TMEM156: variants seen among roughly 807,000 people sequenced by gnomAD.
The protein encoded by TMEM156 is transmembrane protein 156.
TMEM156 carries 28 observed loss-of-function variants against 30.5 expected under a neutral mutation model. That is an observed-to-expected ratio of 0.92 (90% confidence interval 0.68 to 1.26). The LOEUF is 1.26. Ranked by LOEUF, TMEM156 falls within the 50% of genes most tolerant of loss-of-function variation. The probability of loss-of-function intolerance (pLI) is 0.00; values close to 1 mark genes in which losing one functional copy is unlikely to be tolerated. For missense variants in TMEM156, 351 were observed against 340.6 expected (o/e 1.03, Z -0.24); for synonymous variants, 137 against 119.9 (o/e 1.14, Z -0.93).
chr4:38,981,679 G>A (rs929289908), intron 5 of TMEM156, among the ~76,000 whole-genome samples: 5 of 152,068 alleles, frequency 3.3e-5, no homozygotes, highest in Admixed American at 6.6e-5. Flanking sequence ...CTTATCTTCA[G>A]TTTTCTCATC....
intron 1 of TMEM156, among the ~76,000 whole-genome samples, chr4:39,021,285 T>C (rs917922263): frequency 3.3e-5 from 5 of 151,310 alleles, no homozygotes; most frequent in African/African-American, 1.2e-4. Context: ...ACACTTGCAG[T>C]CTTAGCTATT....
chr4:39,028,089 T>C (rs1715319184), intron 1 of TMEM156, among the ~76,000 whole-genome samples: 1 of 152,130 alleles, frequency 6.6e-6, no homozygotes, highest in African/African-American at 2.4e-5. Flanking sequence ...GGTTTCACCA[T>C]GTTGGTCAGG....
chr4:39,004,117 C>T (rs1713569736), intron 1 of TMEM156, among the ~76,000 whole-genome samples: 1 of 152,102 alleles, frequency 6.6e-6, no homozygotes, highest in Non-Finnish European at 1.5e-5. Flanking sequence ...TTCTCATCTC[C>T]ATAAGCAAGG....
At chr4:39,012,678 C>A (rs1391818854) in intron 1 of TMEM156, among the ~76,000 whole-genome samples, 1 of 151,804 alleles carries the variant, frequency 6.6e-6, no homozygotes, top group Non-Finnish European at 1.5e-5. Context: ...TGGTGGCTCA[C>A]GCCTGCAATC....
chr4:38,993,510 C>T (rs1005743420), intron 3 of TMEM156, among the ~76,000 whole-genome samples: 2 of 152,140 alleles, frequency 1.3e-5, no homozygotes, highest in Admixed American at 6.6e-5. Context: ...CTCCTCAAAT[C>T]GTGACCCATA....
chr4:38,975,379 CTTTTCTTT>C (rs1202996560), intron 5 of TMEM156, among the ~76,000 whole-genome samples: 3 of 123,798 alleles, frequency 2.4e-5, no homozygotes, highest in Admixed American at 9.1e-5. Context: ...TTTCTTTTTT[CTTTTCTTT>C]TTTTTTTTTT....
chr4:38,973,235 T>A (rs940213968), intron 5 of TMEM156, among the ~76,000 whole-genome samples: 5 of 152,172 alleles, frequency 3.3e-5, no homozygotes. Context: ...TTACTCACAG[T>A]TTACTTTTCA....
chr4:38,975,582 C>A (rs952097002), intron 5 of TMEM156, among the ~76,000 whole-genome samples: 3 of 151,930 alleles, frequency 2.0e-5, no homozygotes. Context: ...GGGGTTTCAT[C>A]ATGTTGGCTA....
chr4:38,970,146 T>TTG (rs71641397), intron 6 of TMEM156, among the ~76,000 whole-genome samples: 37,874 of 149,040 alleles, frequency 0.25, 4,858 homozygotes, highest in African/African-American at 0.31. Flanking sequence ...GTGTGTGTGT[T>TTG]TGTGTGTGTG....
intron 1 of TMEM156, among the ~76,000 whole-genome samples, chr4:39,005,548 A>G (rs1713671735): frequency 6.7e-6 from 1 of 150,024 alleles, no homozygotes; most frequent in Non-Finnish European, 1.5e-5. Context: ...CCAGTCTCGG[A>G]TAGTATCTTT....
At chr4:39,014,344 G>A (rs903536960) in intron 1 of TMEM156, among the ~76,000 whole-genome samples, 4 of 152,174 alleles carry the variant, frequency 2.6e-5, no homozygotes, top group Non-Finnish European at 5.9e-5. Context: ...TGAATGTAAA[G>A]GTTAGGAAGG....
intron 5 of TMEM156, among the ~76,000 whole-genome samples, chr4:38,978,277 C>T (rs1193246647): frequency 6.6e-6 from 1 of 151,624 alleles, no homozygotes; most frequent in African/African-American, 2.4e-5. Context: ...TAAAAAAATA[C>T]CAAGAAGGAG....
intron 2 of TMEM156, among the ~76,000 whole-genome samples, chr4:38,996,276 A>AC (rs1491103790): frequency 0.022 from 1,942 of 89,834 alleles, 49 homozygotes; most frequent in African/African-American, 0.059. Flanking sequence ...AAAAAAAAAA[A>AC]GAACAGGTGC....
Position 38,990,830 on chromosome 4 carries a change from G to GTTTTTTTTTTT in TMEM156, c.620-1871_620-1861dup, listed in dbSNP as rs71304784. Reference sequence around the variant, plus strand: ...CTTTGTTTTTTTGGTTTGTTTTCTGGTTTTTTTTTTTTTTTTTTTTTTTGA... The same window carrying GTTTTTTTTTTT: ...CTTTGTTTTTTTGGTTTGTTTTCTGGTTTTTTTTTTTTTTTTTTTTTTTTTTTTTTTTTTGA... On this transcript the variant is annotated intron_variant, in intron 3 of 6. Coordinates refer to ENST00000381938, the MANE Select transcript of TMEM156 (RefSeq NM_024943.3). 6.2e-5 allele frequency among the ~76,000 whole-genome samples: 5 copies of GTTTTTTTTTTT among 81,222 alleles called. 1 individual carries two copies. The highest frequency in any genetic ancestry group is 4.4e-4 in the East Asian group (1 of 2,256). 53.3% of individuals were successfully genotyped at this position (81,222 alleles called of 152,430 possible).
chr4:39,020,238 C>G (rs1671037965), intron 1 of TMEM156, among the ~76,000 whole-genome samples: 1 of 152,170 alleles, frequency 6.6e-6, no homozygotes, highest in African/African-American at 2.4e-5. Flanking sequence ...CATATCTGGA[C>G]TATTGTGAGT....
At position 38,972,242 on chromosome 4, in the gene TMEM156, A is replaced by ATTTTTTTTTTTT. The variant is rs144479056; in HGVS notation, c.824-1117_824-1106dup. 1.8e-3 allele frequency among the ~76,000 whole-genome samples: 138 copies of ATTTTTTTTTTTT among 75,856 alleles called. 3 individuals carry two copies. Among genetic ancestry groups the ATTTTTTTTTTTT allele is most frequent in the East Asian group, 7.4e-3 (17 of 2,296 alleles). The allele number at this position is 75,856 out of a possible 152,430, so 49.8% of individuals were successfully genotyped here. ...AAATACTGTAGAACCTTCTCTGGGA[A>ATTTTTTTTTTTT]TTTTTTTTTTTTTTTTTTTTTTTTT... On this transcript the variant is annotated intron_variant, in intron 5 of 6. Transcript: ENST00000381938.
chr4:39,009,669 C>A (rs116113997), intron 1 of TMEM156, among the ~76,000 whole-genome samples: 2 of 152,188 alleles, frequency 1.3e-5, no homozygotes. Context: ...TCAATAGACG[C>A]AGAAAAAGCA....
chr4:39,026,532 C>T (rs1475872255), intron 1 of TMEM156, among the ~76,000 whole-genome samples: 1 of 152,086 alleles, frequency 6.6e-6, no homozygotes, highest in Non-Finnish European at 1.5e-5. Context: ...TTATATTTAA[C>T]ACATTTTTTT....
Position 38,998,902 on chromosome 4 carries a change from T to C in TMEM156, c.96A>G (p.Thr32=). The change falls in exon 2 of 7, where the codon ACA becomes ACG. Residue 32 remains threonine, a synonymous_variant. Coordinates refer to ENST00000381938, the MANE Select transcript of TMEM156 (RefSeq NM_024943.3). ...PEYFKTPKER[T]LELSCLEVCL... ...ACACTTCCAGACATGATAGCTCCAA[T>C]GTTCTTTCTGTAAAGAAAAAAGAAA... 1.9e-6 allele frequency: 3 copies of C among 1,597,736 alleles called. No homozygotes were observed. The highest frequency in any genetic ancestry group is 1.8e-5 in the Admixed American group (1 of 56,042).
Sources: allele counts gnomAD v4.1 joint callset (sites outside exome capture counted in the v4.1 genomes callset), GRCh38; gene constraint gnomAD v4.1.1; transcripts MANE v1.5; gene names NCBI Gene and HGNC (gene_info 2026-07-23, HGNC 2026-07-21).